SEMA3G: variants seen among roughly 807,000 people sequenced by gnomAD.
The protein encoded by SEMA3G is semaphorin 3G.
A neutral mutation model predicts 86.2 loss-of-function variants in SEMA3G; 70 were observed. That is an observed-to-expected ratio of 0.81 (90% CI 0.67 to 0.99). SEMA3G has a LOEUF of 0.99. SEMA3G is among the 50% of genes least tolerant of loss of function. SEMA3G has a pLI of 0.00. For synonymous variants in SEMA3G, 416 were observed against 441.4 expected, an observed-to-expected ratio of 0.94 and a Z score of 0.72; for missense variants, 1,002 against 1,072.4, an observed-to-expected ratio of 0.93 and a Z score of 0.92.
At position 52,442,312 on chromosome 3, in the gene SEMA3G, GAGA is replaced by G. The variant is rs2153229710; in HGVS notation, c.340-11_340-9del. The G allele has an allele frequency of 6.2e-7, 1 of 1,612,678 alleles. No homozygotes were observed. Among genetic ancestry groups the G allele is most frequent in the Non-Finnish European group, 8.5e-7 (1 of 1,179,336 alleles). On this transcript the variant is annotated splice_polypyrimidine_tract_variant and intron_variant, in intron 3 of 15. Coordinates refer to ENST00000231721, the MANE Select transcript of SEMA3G (RefSeq NM_020163.3). The surrounding 1 kb of genome is among the most constrained non-coding windows in gnomAD (Gnocchi z 6.1). ...GAAGTTGGCGCACTCTGTCTGCGGG[GAGA>G]AGGAGGGGGTGGTTGAGGGGTGAGA...
At position 52,438,943 on chromosome 3, in the gene SEMA3G, C is replaced by A; in HGVS notation, c.1486G>T (p.Glu496Ter). The A allele has an allele frequency of 6.2e-7, 1 of 1,613,524 alleles. No individual in the cohort carries two copies. Among genetic ancestry groups the A allele is most frequent in the Non-Finnish European group, 8.5e-7 (1 of 1,179,672 alleles). The change falls in exon 13 of 16, where the codon GAA becomes TAA. Residue 496 changes from glutamate to a stop codon, truncating the protein, a stop_gained. Transcript: ENST00000231721. LOFTEE classifies it high-confidence loss of function. ...QVFKVPTPIT[E>*]MEISVKRQML... Reference sequence around the variant, plus strand: ...ACCCTTTTGACAGAGATCTCCATTTCGGTGATAGGTGTTGGCACCTGGGGA... The same window carrying A: ...ACCCTTTTGACAGAGATCTCCATTTAGGTGATAGGTGTTGGCACCTGGGGA...
rs1241698467 is a variant in SEMA3G at position 52,442,154 on chromosome 3, C to T, written c.459+31G>A. 1.4e-5 allele frequency: 23 copies of T among 1,602,130 alleles called. No individual in the cohort carries two copies. The highest frequency in any genetic ancestry group is 1.8e-5 in the Non-Finnish European group (21 of 1,173,164). ...GCAGGGAGGAAATGTCACTGCCTCCCAGTCCCTTGTGGGGCCTGGCCCAGG... is the reference window on the plus strand; with the variant it reads ...GCAGGGAGGAAATGTCACTGCCTCCTAGTCCCTTGTGGGGCCTGGCCCAGG... On this transcript the variant is annotated intron_variant, in intron 4 of 15. Coordinates refer to ENST00000231721, the MANE Select transcript of SEMA3G (RefSeq NM_020163.3). The surrounding 1 kb of genome is among the most constrained non-coding windows in gnomAD (Gnocchi z 6.1).
rs1706037138 is a variant in SEMA3G at position 52,435,825 on chromosome 3, G to A, written c.2127C>T (p.Asp709=). 1.9e-6 allele frequency: 3 copies of A among 1,614,018 alleles called. No homozygotes were observed. Among genetic ancestry groups the A allele is most frequent in the Admixed American group, 1.7e-5 (1 of 60,012 alleles). ...TGGCGAAGCCAATGAGCTGCAGGAT[G>A]TCCTTGTACCAGGCCTTGGGTGGGG... is the stretch of plus-strand genomic sequence containing the variant. The part of the protein sequence containing the change: ...ASTPPKAWYK[D]ILQLIGFANL... Residue 709 remains aspartate (D), a synonymous_variant, in exon 16 of 16, where the codon GAC becomes GAT. Coordinates refer to ENST00000231721, the MANE Select transcript of SEMA3G (RefSeq NM_020163.3).
chr3:52,444,105 C>T (rs1706212990), intron 1 of SEMA3G, among the ~76,000 whole-genome samples: 1 of 152,192 alleles, frequency 6.6e-6, no homozygotes, highest in Admixed American at 6.5e-5. Flanking sequence ...GGGTCCTCCC[C>T]TTCTCTGTGG....
In SEMA3G at chr3:52,442,299, CTCTG is replaced by C; in HGVS notation, c.341_344del (p.Thr114SerfsTer18). ...GTAGCACCCGCACGAAGTTGGCGCA[CTCTG>C]TCTGCGGGGAGAAGGAGGGGGTGGT... is the stretch of plus-strand genomic sequence containing the variant. On this transcript the variant is annotated frameshift_variant and splice_region_variant, in exon 4 of 16. Transcript: ENST00000231721. LOFTEE classifies it high-confidence loss of function. The surrounding 1 kb of genome is among the most constrained non-coding windows in gnomAD (Gnocchi z 6.1). 5.0e-6 allele frequency: 8 copies of C among 1,613,120 alleles called. No homozygotes were observed. In the Admixed American group the frequency reaches 1.2e-4, roughly 24 times the overall value.
Position 52,444,992 on chromosome 3 carries a change from T to C in SEMA3G, c.36A>G (p.Leu12=), listed in dbSNP as rs777939520. The change falls in exon 1 of 16, where the codon CTA becomes CTG. Residue 12 remains leucine (L), a synonymous_variant. Transcript: ENST00000231721. ...APSAWAICWL[L]GGLLLHGGSS... is the part of the protein sequence containing the mutation. ...TACCCCCATGGAGCAGGAGGCCCCC[T>C]AGCAGCCAGCAAATGGCCCAGGCCG... The C allele has an allele frequency of 7.0e-6, 9 of 1,290,180 alleles. No homozygotes were observed. In the African/African-American group the frequency reaches 1.4e-4, roughly 20 times the overall value. The allele number at this position is 1,290,180 out of a possible 1,614,324, so 79.9% of individuals were successfully genotyped here.
intron 12 of SEMA3G, 47 bp downstream of exon 12, chr3:52,439,633 C>T: frequency 6.6e-7 from 1 of 1,519,252 alleles, no homozygotes; most frequent in Non-Finnish European, 9.1e-7. Context: ...CAGGCTCAGA[C>T]CCAGAGATGG....
Position 52,437,540 on chromosome 3 carries a change from T to A in SEMA3G, c.1865A>T (p.Glu622Val). ...CTCCTCACTCACCTGGTCAGGCCCC[T>A]CATCCCCTGGCCTCTGCAAGAGCCA... ...VRWLLQRPGDEGPDQVKTDER... is the reference protein window; with the variant it reads ...VRWLLQRPGDVGPDQVKTDER... Residue 622 changes from glutamate (E) to valine (V), a missense_variant, in exon 15 of 16, where the codon GAG becomes GTG. By Grantham distance (121) the Glu-to-Val change is moderately radical. Transcript: ENST00000231721. 4 of 1,612,668 alleles carry A rather than the reference T, an allele frequency of 2.5e-6. No individual in the cohort carries two copies. The highest frequency in any genetic ancestry group is 3.4e-4 in the Middle Eastern group (2 of 5,968).
Position 52,445,094 on chromosome 3 carries a change from G to T in SEMA3G, c.-67C>A. 1 of 1,250,774 alleles carries T rather than the reference G, an allele frequency of 8.0e-7. No homozygotes were observed. The allele number at this position is 1,250,774 out of a possible 1,614,324, so 77.5% of individuals were successfully genotyped here. A position where few individuals can be genotyped will look rare whatever the true frequency, so the allele number is the denominator to read the frequency against. The stretch of plus-strand genomic sequence containing the variant: ...CGCCCTCTGGTCCCGCTGGCCGCCG[G>T]TTGTAGTTTGCTCTGCTGCCACCAG... On this transcript the variant is annotated 5_prime_UTR_variant, in exon 1 of 16. Transcript: ENST00000231721.
rs2153229513 is a variant in SEMA3G, at chr3:52,435,355, C to T, written c.*248G>A. Reference sequence around the variant, plus strand: ...ATCTCTGAGAACAAATGGCAGATCCCTTGGGGCTGCCAGCAGCCAGAGGGT... The same window carrying T: ...ATCTCTGAGAACAAATGGCAGATCCTTTGGGGCTGCCAGCAGCCAGAGGGT... On this transcript the variant is annotated 3_prime_UTR_variant, in exon 16 of 16. Coordinates refer to ENST00000231721, the MANE Select transcript of SEMA3G (RefSeq NM_020163.3). 7 of 542,404 alleles carry T rather than the reference C, an allele frequency of 1.3e-5. No homozygotes were observed. In the South Asian group the frequency reaches 1.7e-4, roughly 13 times the overall value. 33.6% of individuals were successfully genotyped at this position (542,404 alleles called of 1,614,324 possible).
Position 52,437,562 on chromosome 3 carries a change from G to A in SEMA3G, c.1843C>T (p.Leu615Phe). 2.5e-6 allele frequency: 4 copies of A among 1,613,170 alleles called. No individual in the cohort carries two copies. The highest frequency in any genetic ancestry group is 3.4e-6 in the Non-Finnish European group (4 of 1,179,976). Residue 615 changes from leucine (L) to phenylalanine (F), a missense_variant, in exon 15 of 16, where the codon CTC (leucine) becomes TTC (phenylalanine). Transcript: ENST00000231721. ...PKSPQAAVRW[L>F]LQRPGDEGPD... ...CCCTCATCCCCTGGCCTCTGCAAGAGCCAGCGCACAGCAGCCTGGGGAGAC... is the reference window on the plus strand; with the variant it reads ...CCCTCATCCCCTGGCCTCTGCAAGAACCAGCGCACAGCAGCCTGGGGAGAC...
chr3:52,442,949 G>C lies in SEMA3G; in HGVS notation c.116-42C>G. The C allele has an allele frequency of 6.4e-7, 1 of 1,558,768 alleles. No homozygotes were observed. The highest frequency in any genetic ancestry group is 1.4e-5 in the African/African-American group (1 of 73,480). On this transcript the variant is annotated intron_variant, in intron 1 of 15. Coordinates refer to ENST00000231721, the MANE Select transcript of SEMA3G (RefSeq NM_020163.3). The surrounding 1 kb of genome is among the most constrained non-coding windows in gnomAD (Gnocchi z 6.1). ...GGAGGCAGATCAGGGCCACAGCTCA[G>C]CCTAGTTCCCCAGCCAAGGAGTGGA...
rs1427088034 is a variant in SEMA3G at position 52,438,183 on chromosome 3, C to T, written c.1526G>A (p.Gly509Asp). 3.7e-6 allele frequency: 6 copies of T among 1,612,950 alleles called. No homozygotes were observed. The highest frequency in any genetic ancestry group is 5.1e-6 in the Non-Finnish European group (6 of 1,179,860). ...CAGCTGGGCCACACCCAGCCGAGAG[C>T]CCACGTATAGCATTTGCTGGGGAGG... ...ISVKRQMLYVGSRLGVAQLRL... is the reference protein window; with the variant it reads ...ISVKRQMLYVDSRLGVAQLRL... Residue 509 changes from glycine to aspartate, a missense_variant, in exon 14 of 16, where the codon GGC (glycine) becomes GAC (aspartate). Physicochemically the swap from Gly to Asp is moderately conservative, Grantham distance 94 (BLOSUM62 -1). Transcript: ENST00000231721.
chr3:52,444,942 CTG>C lies in SEMA3G; in HGVS notation c.84_85del (p.Ser29CysfsTer36). 7.7e-7 allele frequency: 1 copy of C among 1,303,862 alleles called. No individual in the cohort carries two copies. Among genetic ancestry groups the C allele is most frequent in the Non-Finnish European group, 9.8e-7 (1 of 1,021,458 alleles). 80.8% of individuals were successfully genotyped at this position (1,303,862 alleles called of 1,614,324 possible). Reference sequence around the variant, plus strand: ...GTAGGAGAGCCGCAGGCGGGGCACACTGGGGCCGGGGCTGGGGCCAGAGCTAC... The same window carrying C: ...GTAGGAGAGCCGCAGGCGGGGCACACGGGCCGGGGCTGGGGCCAGAGCTAC... On this transcript the variant is annotated frameshift_variant, in exon 1 of 16. Coordinates refer to ENST00000231721, the MANE Select transcript of SEMA3G (RefSeq NM_020163.3). LOFTEE classifies it high-confidence loss of function.
chr3:52,436,100 T>G, intron 15 of SEMA3G, 27 bp from the exon 16 acceptor site: 1 of 1,585,162 alleles, frequency 6.3e-7, no homozygotes, highest in Non-Finnish European at 8.6e-7. Context: ...AGGGCGTGAG[T>G]AGGGTGCAAG....
Position 52,443,739 on chromosome 3 carries a change from T to C in SEMA3G, c.116-832A>G, listed in dbSNP as rs577459587. Among the ~76,000 whole-genome samples, 31 of 152,252 alleles carry C rather than the reference T, an allele frequency of 2.0e-4. 1 individual carries two copies. Among genetic ancestry groups the C allele is most frequent in the Non-Finnish European group, 2.9e-5 (2 of 67,998 alleles). On this transcript the variant is annotated intron_variant, in intron 1 of 15. Coordinates refer to ENST00000231721, the MANE Select transcript of SEMA3G (RefSeq NM_020163.3). Reference sequence around the variant, plus strand: ...TGACAGTACCTTGGGGAACTTTCCCTATTTGGGGCTTTTTCTAGCAGTCTG... The same window carrying C: ...TGACAGTACCTTGGGGAACTTTCCCCATTTGGGGCTTTTTCTAGCAGTCTG...
chr3:52,434,319 C>T lies in SEMA3G; in HGVS notation c.*1284G>A, dbSNP rs764835549. 1 of 152,152 alleles carries T rather than the reference C, an allele frequency of 6.6e-6. No individual in the cohort carries two copies. Among genetic ancestry groups the T allele is most frequent in the Non-Finnish European group, 1.5e-5 (1 of 68,006 alleles). 9.4% of individuals were successfully genotyped at this position (152,152 alleles called of 1,614,324 possible). A position where few individuals can be genotyped will look rare whatever the true frequency, so the allele number is the denominator to read the frequency against. ...CTCCCCTACATGCCCAGGCAGAACG[C>T]GTCCTTGCCATCCGAGCCTTACCCC... is the stretch of plus-strand genomic sequence containing the variant. On this transcript the variant is annotated 3_prime_UTR_variant, in exon 16 of 16. Coordinates refer to ENST00000231721, the MANE Select transcript of SEMA3G (RefSeq NM_020163.3). This position sits in a 1 kb window ranked among gnomAD's most constrained non-coding sequence, Gnocchi z 5.2.
rs1357800024 is a variant in SEMA3G at position 52,433,069 on chromosome 3, AT to A, written c.*2533del. The A allele has an allele frequency of 6.6e-6, 1 of 151,900 alleles. No homozygotes were observed. The highest frequency in any genetic ancestry group is 1.5e-5 in the Non-Finnish European group (1 of 67,978). The allele number at this position is 151,900 out of a possible 1,614,324, so 9.4% of individuals were successfully genotyped here. The stretch of plus-strand genomic sequence containing the variant: ...AAGCCCACAGGCCAGGATGTTCCTC[AT>A]TTAATGAGCAATCTCGGCTTTGTAC... On this transcript the variant is annotated 3_prime_UTR_variant, in exon 16 of 16. Transcript: ENST00000231721.
intron 15 of SEMA3G, 31 bp from the exon 16 acceptor site, chr3:52,436,104 G>C (rs1706046502): frequency 1.9e-6 from 3 of 1,572,892 alleles, no homozygotes; most frequent in East Asian, 2.3e-5. Context: ...CGTGAGTAGG[G>C]TGCAAGGTGG....
Sources: allele counts gnomAD v4.1 joint callset (sites outside exome capture counted in the v4.1 genomes callset), GRCh38; gene constraint gnomAD v4.1.1; non-coding constraint Gnocchi (gnomAD v3.1); transcripts MANE v1.5; gene names NCBI Gene and HGNC (gene_info 2026-07-23, HGNC 2026-07-21).